The following MYO9A variants were observed in gnomAD, a reference collection of about 807,000 sequenced individuals.
MYO9A encodes the protein unconventional myosin-IXa.
MYO9A carries 103 observed loss-of-function variants against 293.3 expected under a neutral mutation model. The ratio of observed to expected loss-of-function variants is 0.35; its 90% CI spans 0.30 to 0.41. The LOEUF (loss-of-function observed/expected upper bound fraction) is 0.41. MYO9A is among the 10% of genes least tolerant of loss of function. The probability of loss-of-function intolerance (pLI) is 1.00; values close to 1 mark genes in which losing one functional copy is unlikely to be tolerated. For missense variants in MYO9A, 2,685 were observed against 3,033.0 expected, an observed-to-expected ratio of 0.89 and a Z score of 2.69; for synonymous variants, 1,001 against 1,035.7, an observed-to-expected ratio of 0.97 and a Z score of 0.64.
intron 6 of MYO9A, among the ~76,000 whole-genome samples, chr15:72,014,616 G>A (rs112861804): frequency 0.023 from 3,489 of 152,156 alleles, 128 homozygotes; most frequent in African/African-American, 0.08. Flanking sequence ...AACCCAGAAG[G>A]TGGGAGTTGC....
chr15:72,058,708 C>T (rs553535581), intron 1 of MYO9A, among the ~76,000 whole-genome samples: 33 of 152,132 alleles, frequency 2.2e-4, no homozygotes, highest in Non-Finnish European at 2.6e-4. Context: ...TATATGCTAA[C>T]GAGGTAAGAA....
intron 11 of MYO9A, among the ~76,000 whole-genome samples, chr15:71,988,274 G>A (rs1362565732): frequency 6.6e-6 from 1 of 152,072 alleles, no homozygotes; most frequent in East Asian, 1.9e-4. Flanking sequence ...AAGAGTTTTG[G>A]ACTGATTCAA....
At chr15:72,053,227 CTGTCCCTATTAA>C in intron 1 of MYO9A, among the ~76,000 whole-genome samples, 1 of 152,118 alleles carries the variant, frequency 6.6e-6, no homozygotes, top group East Asian at 1.9e-4. Context: ...TGGTGAAACC[CTGTCCCTATTAA>C]AAGTACAAAA....
chr15:72,017,194 T>C lies in MYO9A; in HGVS notation c.1155+1845A>G, dbSNP rs28483934. Among the ~76,000 whole-genome samples, 856 of 152,068 alleles carry C rather than the reference T, an allele frequency of 5.6e-3. 12 individuals carry two copies. The highest frequency in any genetic ancestry group is 0.02 in the African/African-American group (811 of 41,500). On this transcript the variant is annotated intron_variant, in intron 6 of 41. Transcript: ENST00000356056. ...TATCACTATACCTGGCTTAAATTTTTGTAGAGATAGGGTATTGCCTTGTTG... is the reference window on the plus strand; with the variant it reads ...TATCACTATACCTGGCTTAAATTTTCGTAGAGATAGGGTATTGCCTTGTTG...
intron 18 of MYO9A, among the ~76,000 whole-genome samples, chr15:71,923,170 T>A (rs757084724): frequency 2.6e-5 from 4 of 152,226 alleles, no homozygotes; most frequent in Non-Finnish European, 5.9e-5. Flanking sequence ...TGTTAATGTA[T>A]CACATTTACC....
Position 71,867,798 on chromosome 15 carries a change from TCACACACACACACACACACA to T in MYO9A, c.5980-5207_5980-5188del, listed in dbSNP as rs57300333. Reference sequence around the variant, plus strand: ...CACTAATTTCAATTCTGGGAATCCATCACACACACACACACACACACACACACACACACACACACACACAC... The same window carrying T: ...CACTAATTTCAATTCTGGGAATCCATCACACACACACACACACACACACAC... On this transcript the variant is annotated intron_variant, in intron 32 of 41. Transcript: ENST00000356056. 7.3e-3 allele frequency among the ~76,000 whole-genome samples: 926 copies of T among 127,626 alleles called. 8 individuals are homozygous for T. Among genetic ancestry groups the T allele is most frequent in the African/African-American group, 0.021 (724 of 33,700 alleles). 83.7% of individuals were successfully genotyped at this position (127,626 alleles called of 152,430 possible). A position where few individuals can be genotyped will look rare whatever the true frequency, so the allele number is the denominator to read the frequency against.
chr15:71,936,868 C>T (rs2058656552), intron 16 of MYO9A, among the ~76,000 whole-genome samples: 1 of 151,014 alleles, frequency 6.6e-6, no homozygotes, highest in African/African-American at 2.4e-5. Context: ...AATCATACTG[C>T]ACTTAAGATG....
At chr15:72,098,599 G>GA (rs1043845173) in intron 1 of MYO9A, among the ~76,000 whole-genome samples, 1 of 151,442 alleles carries the variant, frequency 6.6e-6, no homozygotes, top group Non-Finnish European at 1.5e-5. Context: ...AGTATAATAG[G>GA]AAAAAAAATT....
At chr15:72,103,333 A>AGC (rs550833766) in intron 1 of MYO9A, among the ~76,000 whole-genome samples, 183 of 140,168 alleles carry the variant, frequency 1.3e-3, no homozygotes, top group Middle Eastern at 0.011. Flanking sequence ...GCAGCAGCAG[A>AGC]AGCAGAAGCA....
At chr15:71,923,395 T>A (rs2058208334) in intron 18 of MYO9A, among the ~76,000 whole-genome samples, 1 of 152,188 alleles carries the variant, frequency 6.6e-6, no homozygotes, top group Non-Finnish European at 1.5e-5. Context: ...TTTGGAAGAA[T>A]TCTCTCCTCT....
At chr15:72,062,657 CAAAAG>C (rs1294205856) in intron 1 of MYO9A, among the ~76,000 whole-genome samples, 1 of 151,750 alleles carries the variant, frequency 6.6e-6, no homozygotes, top group Non-Finnish European at 1.5e-5. Flanking sequence ...CAGAGGAAGA[CAAAAG>C]AAAAAAGAAT....
intron 15 of MYO9A, among the ~76,000 whole-genome samples, chr15:71,947,282 G>GTA (rs2058940006): frequency 2.8e-5 from 1 of 36,230 alleles, no homozygotes; most frequent in Non-Finnish European, 6.9e-5. Flanking sequence ...CTCCATCTCA[G>GTA]GAAAAAAAAA....
At chr15:72,069,328 A>T (rs941341355) in intron 1 of MYO9A, among the ~76,000 whole-genome samples, 2 of 152,176 alleles carry the variant, frequency 1.3e-5, no homozygotes, top group African/African-American at 4.8e-5. Flanking sequence ...TTGTATATGT[A>T]ATTGTTTAGT....
chr15:72,086,081 G>A (rs1377375888), intron 1 of MYO9A, among the ~76,000 whole-genome samples: 3 of 152,164 alleles, frequency 2.0e-5, no homozygotes, highest in Non-Finnish European at 2.9e-5. Flanking sequence ...AAAGAGTTTT[G>A]TAAGGCAGTG....
intron 25 of MYO9A, among the ~76,000 whole-genome samples, chr15:71,896,672 C>T (rs1327675672): frequency 2.0e-5 from 3 of 151,628 alleles, no homozygotes; most frequent in African/African-American, 4.8e-5. Flanking sequence ...CCCAGCTACT[C>T]GGGAGGCTGA....
chr15:72,038,538 C>G (rs2078129057), intron 2 of MYO9A, among the ~76,000 whole-genome samples: 1 of 152,148 alleles, frequency 6.6e-6, no homozygotes, highest in East Asian at 1.9e-4. Context: ...AGATGTGGAA[C>G]AGATCCACAG....
chr15:71,900,547 TTAAA>T (rs1339685143), intron 23 of MYO9A, among the ~76,000 whole-genome samples: 38 of 152,214 alleles, frequency 2.5e-4, no homozygotes, highest in African/African-American at 8.4e-4. Flanking sequence ...AACAGCTATT[TTAAA>T]TAATATAACC....
intron 1 of MYO9A, 83 bp from the exon 2 acceptor site, chr15:72,046,717 G>T (rs2078395184): frequency 2.2e-6 from 2 of 895,290 alleles, no homozygotes; most frequent in Admixed American, 5.5e-5. Flanking sequence ...TAACAAGCAT[G>T]TTGATTACAT....
chr15:71,873,114 G>A (rs1446351047), intron 32 of MYO9A, among the ~76,000 whole-genome samples: 2 of 151,388 alleles, frequency 1.3e-5, no homozygotes, highest in Admixed American at 6.6e-5. Context: ...ATGGGGTTTC[G>A]CCATGTTGGC....
Sources: gnomAD v4.1 joint callset for allele counts (sites outside exome capture counted in the v4.1 genomes callset) on GRCh38, gnomAD v4.1.1 for gene constraint, MANE v1.5 for transcripts, NCBI Gene and HGNC (gene_info 2026-07-23, HGNC 2026-07-21) for gene names.